WDR20: variants seen among roughly 807,000 people sequenced by gnomAD.
WDR20 encodes the protein WD repeat-containing protein 20.
A neutral mutation model predicts 38.7 loss-of-function variants in WDR20; 3 were observed. That is an observed-to-expected ratio of 0.08 (90% CI 0.04 to 0.20). The LOEUF is 0.20. Ranked by LOEUF, WDR20 falls within the 10% of genes least tolerant of loss-of-function variation. The probability of loss-of-function intolerance (pLI) is 1.00; values close to 1 mark genes in which losing one functional copy is unlikely to be tolerated. For missense variants in WDR20, 559 were observed against 727.7 expected, an observed-to-expected ratio of 0.77 and a Z score of 2.67; for synonymous variants, 298 against 285.6, an observed-to-expected ratio of 1.04 and a Z score of -0.44.
intron 1 of WDR20, among the ~76,000 whole-genome samples, chr14:102,161,142 A>ATATATTTATATT: frequency 6.2e-5 from 1 of 16,032 alleles, no homozygotes; most frequent in Non-Finnish European, 9.5e-5. Context: ...ATATATATAT[A>ATATATTTATATT]TTTTTTTTTT....
chr14:102,213,050 C>T (rs566754535), downstream of WDR20: 296 of 989,324 alleles, frequency 3.0e-4, 1 homozygote, highest in African/African-American at 4.6e-3. Flanking sequence ...GGTCCCTGGG[C>T]GGTGTCAGAC....
chr14:102,176,513 A>G (rs2062124868), intron 1 of WDR20, among the ~76,000 whole-genome samples: 1 of 152,172 alleles, frequency 6.6e-6, no homozygotes, highest in Non-Finnish European at 1.5e-5. Context: ...CCTGGCTAAC[A>G]TGGTGAAACC....
rs1230032932 is a variant in WDR20 at position 102,207,437 on chromosome 14, T to A, written c.433-1166T>A. Among the ~76,000 whole-genome samples, 1 of 152,262 alleles carries A rather than the reference T, an allele frequency of 6.6e-6. No homozygotes were observed. Among genetic ancestry groups the A allele is most frequent in the Non-Finnish European group, 1.5e-5 (1 of 68,048 alleles). On this transcript the variant is annotated intron_variant, in intron 2 of 2. Coordinates refer to ENST00000342702, the MANE Select transcript of WDR20 (RefSeq NM_144574.4). The surrounding 1 kb of genome is among the most constrained non-coding windows in gnomAD (Gnocchi z 5.0). Reference sequence around the variant, plus strand: ...CCACCCTGGCAGAAGTCGGCATGTTTCTTGGCAGATTCTGCCCCTGTGTGC... The same window carrying A: ...CCACCCTGGCAGAAGTCGGCATGTTACTTGGCAGATTCTGCCCCTGTGTGC...
chr14:102,212,934 A>G (rs1029060773), downstream of WDR20: 9 of 1,075,336 alleles, frequency 8.4e-6, no homozygotes, highest in African/African-American at 1.1e-4. Flanking sequence ...AGTCAGCATC[A>G]CTGTTCCAGC....
chr14:102,148,525 G>T (rs143256403), intron 1 of WDR20, among the ~76,000 whole-genome samples: 2,568 of 138,610 alleles, frequency 0.019, 50 homozygotes, highest in South Asian at 0.12. Flanking sequence ...GGGTGACAGA[G>T]CTGAGACTCT....
chr14:102,169,659 C>T (rs1186073631), intron 1 of WDR20, among the ~76,000 whole-genome samples: 1 of 152,044 alleles, frequency 6.6e-6, no homozygotes, highest in Non-Finnish European at 1.5e-5. Flanking sequence ...TCCCGAGTAG[C>T]TGGGATTACA....
rs550768944 is a variant in WDR20 at position 102,221,071 on chromosome 14, C to A, written c.1693-1759C>A. ...GTTTTTAAGTTGTTAAACGTGCTCCCGGGAAGCTAAACTTAACACAGGACT... is the reference window on the plus strand; with the variant it reads ...GTTTTTAAGTTGTTAAACGTGCTCCAGGGAAGCTAAACTTAACACAGGACT... On this transcript the variant is annotated intron_variant, in intron 3 of 3. Transcript: ENST00000335263. The surrounding 1 kb of genome is among the most constrained non-coding windows in gnomAD (Gnocchi z 4.8). Among the ~76,000 whole-genome samples, 1 of 152,218 alleles carries A rather than the reference C, an allele frequency of 6.6e-6. No individual in the cohort carries two copies. The highest frequency in any genetic ancestry group is 2.4e-5 in the African/African-American group (1 of 41,460).
rs1040081071 is a variant in WDR20, at chr14:102,207,978, G to A, written c.433-625G>A. 6.6e-6 allele frequency among the ~76,000 whole-genome samples: 1 copy of A among 152,204 alleles called. No individual in the cohort carries two copies. The highest frequency in any genetic ancestry group is 2.4e-5 in the African/African-American group (1 of 41,454). ...CGAGGAGATGCTTATGGAGATGCAC[G>A]TGGGGCGGTGCATGGGAGTGAGGCG... On this transcript the variant is annotated intron_variant, in intron 2 of 2. Transcript: ENST00000342702. This position sits in a 1 kb window ranked among gnomAD's most constrained non-coding sequence, Gnocchi z 5.0.
chr14:102,155,140 T>G (rs1175696345), intron 1 of WDR20, among the ~76,000 whole-genome samples: 5 of 152,228 alleles, frequency 3.3e-5, no homozygotes, highest in African/African-American at 4.8e-5. Flanking sequence ...GCAGGTTGTT[T>G]AACCTCTCAG....
chr14:102,142,943 A>G (rs902604969), intron 1 of WDR20, among the ~76,000 whole-genome samples: 17 of 152,042 alleles, frequency 1.1e-4, no homozygotes, highest in Admixed American at 1.1e-3. Flanking sequence ...ATTACGTGCT[A>G]CCATTCCTGA....
At chr14:102,147,789 G>A (rs1365673472) in intron 1 of WDR20, among the ~76,000 whole-genome samples, 1 of 152,214 alleles carries the variant, frequency 6.6e-6, no homozygotes, top group East Asian at 1.9e-4. Flanking sequence ...GGAGTGCAAT[G>A]GCATGATCTT....
chr14:102,202,952 C>G (rs897347062), intron 2 of WDR20, among the ~76,000 whole-genome samples: 6 of 152,302 alleles, frequency 3.9e-5, no homozygotes, highest in Non-Finnish European at 7.3e-5. Context: ...GGGCAAAACC[C>G]AGGGGTCTTT....
At chr14:102,147,224 A>T (rs1021384644) in intron 1 of WDR20, among the ~76,000 whole-genome samples, 1 of 152,136 alleles carries the variant, frequency 6.6e-6, no homozygotes, top group Non-Finnish European at 1.5e-5. Context: ...GGGAAACCAC[A>T]TCTCTACTAA....
intron 1 of WDR20, chr14:102,193,471 A>G (rs1156864506): frequency 9.3e-6 from 15 of 1,613,420 alleles, no homozygotes; most frequent in Middle Eastern, 3.3e-4. Flanking sequence ...AGACAATCCC[A>G]TGAGGTTGGT....
intron 1 of WDR20, among the ~76,000 whole-genome samples, chr14:102,151,826 A>G (rs894566539): frequency 1.3e-5 from 2 of 151,288 alleles, no homozygotes; most frequent in Non-Finnish European, 1.5e-5. Flanking sequence ...TGCAGCCTCA[A>G]CCTTCTGGGC....
At chr14:102,193,486 C>G in intron 1 of WDR20, 2 of 1,613,588 alleles carry the variant, frequency 1.2e-6, no homozygotes, top group Non-Finnish European at 1.7e-6. Flanking sequence ...GTTGGTAGAA[C>G]AGAGATTCTC....
intron 1 of WDR20, among the ~76,000 whole-genome samples, chr14:102,175,934 G>A (rs2061956931): frequency 6.6e-6 from 1 of 152,138 alleles, no homozygotes; most frequent in Non-Finnish European, 1.5e-5. Context: ...TCATTTATCA[G>A]ATCTAGGAGC....
upstream of WDR20, chr14:102,139,439 C>G: frequency 6.6e-7 from 1 of 1,508,674 alleles, no homozygotes; most frequent in Non-Finnish European, 8.9e-7. Context: ...CGTGCTGGCT[C>G]CGAAGCGGTG....
chr14:102,213,520 C>A, downstream of WDR20: 1 of 985,386 alleles, frequency 1.0e-6, no homozygotes, highest in Non-Finnish European at 1.2e-6. Context: ...CACAATCATT[C>A]TTTTCTCAAA....
Sources: allele counts gnomAD v4.1 joint callset (sites outside exome capture counted in the v4.1 genomes callset), GRCh38; gene constraint gnomAD v4.1.1; non-coding constraint Gnocchi (gnomAD v3.1); transcripts MANE v1.5; gene names NCBI Gene and HGNC (gene_info 2026-07-23, HGNC 2026-07-21).